The following RASAL2 variants were observed in gnomAD, a reference collection of about 807,000 sequenced individuals.
The protein encoded by RASAL2 is RAS protein activator like 2.
Under a neutral mutation model 128.9 loss-of-function variants are expected in RASAL2, and 58 were observed. The ratio of observed to expected loss-of-function variants is 0.45; its 90% CI spans 0.36 to 0.56. The LOEUF (loss-of-function observed/expected upper bound fraction) is 0.56. Among genes scored for constraint, RASAL2 ranks in the 20% least tolerant of loss-of-function variants. RASAL2 has a pLI of 0.00. For missense variants in RASAL2, 1,360 were observed against 1,601.6 expected (o/e 0.85, Z 2.57); for synonymous variants, 561 against 580.8 (o/e 0.97, Z 0.49).
At chr1:178,441,499 C>T (rs1676648753) in intron 6 of RASAL2, 50 bp from the exon 7 acceptor site, 1 of 1,344,358 alleles carries the variant, frequency 7.4e-7, no homozygotes, top group African/African-American at 1.4e-5. Context: ...AATGACAGAG[C>T]CCTGAAATCC....
chr1:178,113,506 CTG>C (rs1659410728), intron 1 of RASAL2, among the ~76,000 whole-genome samples: 1 of 105,798 alleles, frequency 9.5e-6, no homozygotes, highest in Non-Finnish European at 1.9e-5. Context: ...GCATGCATGC[CTG>C]CGAGTGTGTG....
intron 1 of RASAL2, among the ~76,000 whole-genome samples, chr1:178,240,843 TAATGTTTTTTAGGAAAATTATTGG>T (rs992537001): frequency 6.6e-6 from 1 of 151,572 alleles, no homozygotes; most frequent in African/African-American, 2.4e-5. Flanking sequence ...TATTTTATTA[TAATGTTTTTTAGGAAAATTATTGG>T]AAGATTTTGT....
chr1:178,463,814 A>G (rs1233361186), intron 14 of RASAL2, among the ~76,000 whole-genome samples: 1 of 152,138 alleles, frequency 6.6e-6, no homozygotes, highest in Non-Finnish European at 1.5e-5. Flanking sequence ...GTTTAGCACT[A>G]ATCAGTTTTT....
intron 3 of RASAL2, among the ~76,000 whole-genome samples, chr1:178,343,089 A>G (rs1387495938): frequency 6.6e-6 from 1 of 152,192 alleles, no homozygotes; most frequent in Non-Finnish European, 1.5e-5. Context: ...ATGGCTCTTT[A>G]CAACTCCTGG....
chr1:178,228,286 T>TA (rs1393514868), intron 1 of RASAL2, among the ~76,000 whole-genome samples: 4 of 151,894 alleles, frequency 2.6e-5, no homozygotes, highest in Non-Finnish European at 5.9e-5. Flanking sequence ...AAGCTTATGG[T>TA]AAAAAAAATT....
chr1:178,321,093 A>G (rs1668749078), intron 3 of RASAL2, among the ~76,000 whole-genome samples: 1 of 152,000 alleles, frequency 6.6e-6, no homozygotes, highest in South Asian at 2.1e-4. Context: ...TTATTTATTT[A>G]TTTTTTTGAG....
At position 178,454,610 on chromosome 1, in the gene RASAL2, C is replaced by T. The variant is rs1677634544; in HGVS notation, c.2173C>T (p.His725Tyr). 6.2e-7 allele frequency: 1 copy of T among 1,613,736 alleles called. No homozygotes were observed. Among genetic ancestry groups the T allele is most frequent in the East Asian group, 2.2e-5 (1 of 44,868 alleles). Residue 725 changes from histidine (H) to tyrosine (Y), a missense_variant, in exon 12 of 18, where the codon CAT (histidine) becomes TAT (tyrosine). Physicochemically the swap from His to Tyr is moderately conservative, Grantham distance 83 (BLOSUM62 2). This residue lies in a region of RASAL2 where 741 missense variants were observed against 868.6 expected (regional missense o/e 0.85). Coordinates refer to ENST00000367649, the MANE Select transcript of RASAL2 (RefSeq NM_170692.4). The stretch of plus-strand genomic sequence containing the variant: ...TCTGGGCCGAGAGCTTTCAGTTTTG[C>T]ATTCCTTACTGTGGGAAGTAGTTTC... ...IDLGRELSVL[H>Y]SLLWEVVSQL...
chr1:178,415,760 A>G (rs1674712197), intron 4 of RASAL2, among the ~76,000 whole-genome samples: 1 of 152,126 alleles, frequency 6.6e-6, no homozygotes, highest in African/African-American at 2.4e-5. Flanking sequence ...AAGCACATAC[A>G]CATTAAGGCT....
chr1:178,206,782 G>T (rs1042891465), intron 1 of RASAL2, among the ~76,000 whole-genome samples: 3 of 152,026 alleles, frequency 2.0e-5, no homozygotes, highest in Non-Finnish European at 4.4e-5. Context: ...GCAAACAAAT[G>T]AAAAACTTGG....
intron 3 of RASAL2, among the ~76,000 whole-genome samples, chr1:178,378,643 A>C (rs1467056130): frequency 6.6e-6 from 1 of 152,136 alleles, no homozygotes; most frequent in African/African-American, 2.4e-5. Flanking sequence ...TACTGTAAAA[A>C]CCTTTATTTT....
intron 2 of RASAL2, among the ~76,000 whole-genome samples, chr1:178,290,797 T>G (rs1667246544): frequency 6.6e-6 from 1 of 152,150 alleles, no homozygotes; most frequent in Non-Finnish European, 1.5e-5. Context: ...TGCCTCAGCC[T>G]CCCAAGTAGC....
At chr1:178,321,226 G>A (rs1668759054) in intron 3 of RASAL2, among the ~76,000 whole-genome samples, 1 of 152,054 alleles carries the variant, frequency 6.6e-6, no homozygotes, top group African/African-American at 2.4e-5. Flanking sequence ...TGAGATTACA[G>A]GAATTTGCCA....
chr1:178,446,017 AC>A (rs1284922308), intron 9 of RASAL2, among the ~76,000 whole-genome samples: 1 of 152,170 alleles, frequency 6.6e-6, no homozygotes, highest in Non-Finnish European at 1.5e-5. Flanking sequence ...TGAGAGTGTT[AC>A]CCTGACATTT....
At chr1:178,219,403 T>C (rs1663538820) in intron 1 of RASAL2, among the ~76,000 whole-genome samples, 1 of 151,996 alleles carries the variant, frequency 6.6e-6, no homozygotes, top group Non-Finnish European at 1.5e-5. Flanking sequence ...ATCCCAGCAC[T>C]TTGGGAGGCT....
At chr1:178,435,898 G>T (rs1203406833) in intron 5 of RASAL2, among the ~76,000 whole-genome samples, 1 of 152,038 alleles carries the variant, frequency 6.6e-6, no homozygotes, top group African/African-American at 2.4e-5. Flanking sequence ...ATTTTTTGAT[G>T]AAGGCCATTG....
At chr1:178,383,776 A>G (rs1366729313) in intron 3 of RASAL2, among the ~76,000 whole-genome samples, 1 of 152,210 alleles carries the variant, frequency 6.6e-6, no homozygotes, top group African/African-American at 2.4e-5. Context: ...TGGAGAGAGA[A>G]GTTATTTGCT....
intron 1 of RASAL2, among the ~76,000 whole-genome samples, chr1:178,207,892 C>T (rs775437911): frequency 1.7e-4 from 26 of 152,144 alleles, no homozygotes; most frequent in Non-Finnish European, 3.5e-4. Context: ...ACATTTTAGT[C>T]AAATCATGTT....
intron 1 of RASAL2, among the ~76,000 whole-genome samples, chr1:178,200,945 C>T (rs1011310429): frequency 6.6e-6 from 1 of 152,102 alleles, no homozygotes; most frequent in Non-Finnish European, 1.5e-5. Context: ...CCCCTGAGGC[C>T]GGTGCCTGGC....
intron 1 of RASAL2, among the ~76,000 whole-genome samples, chr1:178,147,197 G>A (rs1411838262): frequency 1.3e-5 from 2 of 152,014 alleles, no homozygotes; most frequent in African/African-American, 4.8e-5. Flanking sequence ...CCCTTTTAAA[G>A]CTAGTTTATG....
Sources: allele counts gnomAD v4.1 joint callset (sites outside exome capture counted in the v4.1 genomes callset), GRCh38; gene constraint gnomAD v4.1.1; regional missense constraint gnomAD v4.1.1; transcripts MANE v1.5; gene names NCBI Gene and HGNC (gene_info 2026-07-23, HGNC 2026-07-21).